Variants in PDE3B observed in about 807,000 individuals in gnomAD.
PDE3B encodes cGMP-inhibited 3',5'-cyclic phosphodiesterase 3B.
In PDE3B, 66 loss-of-function variants were observed where a neutral mutation model predicts 116.8. The ratio of observed to expected loss-of-function variants is 0.56; its 90% CI spans 0.46 to 0.69. The LOEUF is 0.69. PDE3B is among the 30% of genes least tolerant of loss of function. The probability of loss-of-function intolerance (pLI) is 0.00; values close to 1 mark genes in which losing one functional copy is unlikely to be tolerated. For missense variants in PDE3B, 1,384 were observed against 1,368.1 expected (o/e 1.01, Z -0.18); for synonymous variants, 595 against 533.6 (o/e 1.12, Z -1.59).
rs542466709 is a variant in PDE3B at position 14,752,321 on chromosome 11, A to C, written c.979-19616A>C. The stretch of plus-strand genomic sequence containing the variant: ...CTGACAGAGAAAACTGGGACAATCT[A>C]GGAGTTAAAGAGTTTTACTTTCTCT... On this transcript the variant is annotated intron_variant, in intron 1 of 15. Transcript: ENST00000282096. 5.2e-4 allele frequency among the ~76,000 whole-genome samples: 79 copies of C among 152,274 alleles called. 1 individual carries two copies. Among genetic ancestry groups the C allele is most frequent in the Middle Eastern group, 6.8e-3 (2 of 294 alleles).
rs373773383 is a variant in PDE3B, at chr11:14,804,068, A to G, written c.1522+18A>G. Reference sequence around the variant, plus strand: ...AAGAGCTGGTAAGAAATCATTCTTTATGACTCAAATATGGGGGTTCTCAAA... The same window carrying G: ...AAGAGCTGGTAAGAAATCATTCTTTGTGACTCAAATATGGGGGTTCTCAAA... On this transcript the variant is annotated intron_variant, in intron 5 of 15. Coordinates refer to ENST00000282096, the MANE Select transcript of PDE3B (RefSeq NM_000922.4). 2.8e-5 allele frequency: 38 copies of G among 1,341,566 alleles called. No individual in the cohort carries two copies. Among genetic ancestry groups the G allele is most frequent in the African/African-American group, 2.6e-4 (18 of 69,582 alleles). The allele number at this position is 1,341,566 out of a possible 1,614,324, so 83.1% of individuals were successfully genotyped here. A position where few individuals can be genotyped will look rare whatever the true frequency, so the allele number is the denominator to read the frequency against.
chr11:14,830,206 T>A (rs1565155738), intron 7 of PDE3B, among the ~76,000 whole-genome samples: 1 of 152,182 alleles, frequency 6.6e-6, no homozygotes, highest in Non-Finnish European at 1.5e-5. Flanking sequence ...GCTATTTAGC[T>A]ATGAATACTG....
In PDE3B at chr11:14,859,109, C is replaced by G; in HGVS notation, c.2587C>G (p.Leu863Val). The change falls in exon 13 of 16, where the codon CTT becomes GTT. Residue 863 changes from leucine (L) to valine (V), a missense_variant. Physicochemically the swap from Leu to Val is conservative, Grantham distance 32. This residue lies in a region of PDE3B where 428 missense variants were observed against 561.4 expected (regional missense o/e 0.76). Transcript: ENST00000282096. ...HHAASAWNLY[L>V]SRPEYNFLLH... The stretch of plus-strand genomic sequence containing the variant: ...TGCTGCGTCAGCTTGGAATCTATAT[C>G]TTTCTCGCCCAGAATACAACTTCCT... 6.2e-7 allele frequency: 1 copy of G among 1,613,618 alleles called. No homozygotes were observed. The highest frequency in any genetic ancestry group is 8.5e-7 in the Non-Finnish European group (1 of 1,179,700).
chr11:14,857,045 C>T (rs1847864638), intron 12 of PDE3B, among the ~76,000 whole-genome samples: 1 of 152,134 alleles, frequency 6.6e-6, no homozygotes, highest in South Asian at 2.1e-4. Flanking sequence ...TTAAGTGTTA[C>T]TATTTGCTAA....
At chr11:14,817,194 A>G (rs1343202823) in intron 5 of PDE3B, among the ~76,000 whole-genome samples, 1 of 151,824 alleles carries the variant, frequency 6.6e-6, no homozygotes, top group Non-Finnish European at 1.5e-5. Context: ...AGGACAGAAA[A>G]CCAAACACCA....
At chr11:14,848,099 G>C (rs1223528087) in intron 12 of PDE3B, among the ~76,000 whole-genome samples, 8 of 145,010 alleles carry the variant, frequency 5.5e-5, no homozygotes, top group Non-Finnish European at 1.2e-4. Flanking sequence ...ATAAAATACT[G>C]GCAAACCGAA....
At chr11:14,725,855 C>T (rs148361002) in intron 1 of PDE3B, among the ~76,000 whole-genome samples, 10 of 151,780 alleles carry the variant, frequency 6.6e-5, no homozygotes, top group South Asian at 2.1e-4. Context: ...CATTGCAGCC[C>T]GAATGATCTT....
chr11:14,832,909 A>G (rs556298487), intron 10 of PDE3B, 76 bp downstream of exon 10: 4 of 681,596 alleles, frequency 5.9e-6, no homozygotes, highest in East Asian at 2.9e-5. Context: ...TTCTCTTCAG[A>G]TGGTCCCTTA....
intron 12 of PDE3B, among the ~76,000 whole-genome samples, chr11:14,849,517 C>G (rs1194233656): frequency 6.6e-6 from 1 of 152,100 alleles, no homozygotes; most frequent in African/African-American, 2.4e-5. Context: ...AGCTTCTGCA[C>G]AGCAAAAGAA....
intron 2 of PDE3B, among the ~76,000 whole-genome samples, chr11:14,784,760 A>AT (rs910963802): frequency 1.8e-4 from 28 of 151,434 alleles, no homozygotes; most frequent in South Asian, 6.2e-4. Context: ...TATGAAAATG[A>AT]TTTTTTTTTA....
At chr11:14,727,069 C>G (rs546257950) in intron 1 of PDE3B, among the ~76,000 whole-genome samples, 9 of 152,126 alleles carry the variant, frequency 5.9e-5, no homozygotes, top group Non-Finnish European at 1.5e-5. Flanking sequence ...TTACCTTTCT[C>G]CTCAAACCTA....
At chr11:14,803,044 AGAGGGAAG>A (rs1858820455) in intron 4 of PDE3B, among the ~76,000 whole-genome samples, 1 of 152,234 alleles carries the variant, frequency 6.6e-6, no homozygotes, top group Admixed American at 6.5e-5. Flanking sequence ...TCAACAGTAA[AGAGGGAAG>A]GAGTCTTCTT....
chr11:14,734,723 A>C (rs924110559), intron 1 of PDE3B, among the ~76,000 whole-genome samples: 1 of 152,166 alleles, frequency 6.6e-6, no homozygotes, highest in African/African-American at 2.4e-5. Context: ...GTTGAAATTT[A>C]TTCGGTGGAA....
chr11:14,747,647 A>C (rs899625137), intron 1 of PDE3B, among the ~76,000 whole-genome samples: 3 of 152,184 alleles, frequency 2.0e-5, no homozygotes, highest in Non-Finnish European at 4.4e-5. Flanking sequence ...CATAATCCCT[A>C]AAAAATCAAG....
intron 1 of PDE3B, among the ~76,000 whole-genome samples, chr11:14,752,798 T>A (rs918689262): frequency 6.6e-5 from 10 of 152,286 alleles, no homozygotes; most frequent in Admixed American, 4.6e-4. Flanking sequence ...TGTTATTCAG[T>A]CACTTTTGTC....
chr11:14,727,966 C>T (rs1012404698), intron 1 of PDE3B, among the ~76,000 whole-genome samples: 3 of 151,992 alleles, frequency 2.0e-5, no homozygotes, highest in Non-Finnish European at 4.4e-5. Flanking sequence ...GAAGAGCATG[C>T]TTATAGGCAT....
chr11:14,809,849 G>A (rs1435726547), intron 5 of PDE3B, among the ~76,000 whole-genome samples: 2 of 151,894 alleles, frequency 1.3e-5, no homozygotes, highest in Non-Finnish European at 2.9e-5. Context: ...CAAAAACTGT[G>A]AGCAGCCAAG....
intron 12 of PDE3B, among the ~76,000 whole-genome samples, chr11:14,850,400 A>G: frequency 6.6e-6 from 1 of 152,110 alleles, no homozygotes; most frequent in Admixed American, 6.6e-5. Flanking sequence ...ATGACAAGTT[A>G]ATGGGTGCAG....
chr11:14,658,427 G>C (rs558014825), intron 1 of PDE3B, among the ~76,000 whole-genome samples: 2 of 152,100 alleles, frequency 1.3e-5, no homozygotes, highest in South Asian at 4.1e-4. Context: ...CACTATCTCG[G>C]CTCACTGCAA....
Sources: gnomAD v4.1 joint callset for allele counts (sites outside exome capture counted in the v4.1 genomes callset) on GRCh38, gnomAD v4.1.1 for gene constraint, gnomAD v4.1.1 regional missense constraint, MANE v1.5 for transcripts, NCBI Gene and HGNC (gene_info 2026-07-23, HGNC 2026-07-21) for gene names.